Variants in DLGAP1 observed in about 807,000 individuals in gnomAD.
The protein encoded by DLGAP1 is disks large-associated protein 1.
In DLGAP1, 11 loss-of-function variants were observed where a neutral mutation model predicts 90.8. That is an observed-to-expected ratio of 0.12 (90% CI 0.08 to 0.20). The LOEUF is 0.20. DLGAP1 is among the 10% of genes least tolerant of loss of function. The pLI is 1.00. For synonymous variants in DLGAP1, 558 were observed against 540.7 expected, an observed-to-expected ratio of 1.03 and a Z score of -0.44; for missense variants, 1,050 against 1,333.8, an observed-to-expected ratio of 0.79 and a Z score of 3.31.
intron 5 of DLGAP1, among the ~76,000 whole-genome samples, chr18:3,797,963 A>G (rs2066086272): frequency 6.6e-6 from 1 of 152,174 alleles, no homozygotes; most frequent in Non-Finnish European, 1.5e-5. Flanking sequence ...TGATGGTTTT[A>G]TAAGGGGAAA....
At chr18:3,814,361 ATTTTTT>A (rs372490602) in intron 4 of DLGAP1, 88 bp from the exon 5 acceptor site, 9 of 880,334 alleles carry the variant, frequency 1.0e-5, no homozygotes, top group East Asian at 3.1e-5. Context: ...TAACATTTCT[ATTTTTT>A]TTTTTTTTTT....
chr18:3,960,822 C>T (rs983387575), intron 3 of DLGAP1, among the ~76,000 whole-genome samples: 1 of 152,186 alleles, frequency 6.6e-6, no homozygotes, highest in Admixed American at 6.5e-5. Context: ...GTGGGAAGCT[C>T]GATTCTGTGC....
intron 9 of DLGAP1, among the ~76,000 whole-genome samples, chr18:3,558,703 G>C (rs1186565628): frequency 1.3e-5 from 2 of 152,010 alleles, no homozygotes; most frequent in Non-Finnish European, 2.9e-5. Flanking sequence ...CTTTTTATTA[G>C]TGCTAGACAT....
intron 5 of DLGAP1, among the ~76,000 whole-genome samples, chr18:3,770,598 G>C (rs1319350533): frequency 6.6e-6 from 1 of 151,958 alleles, no homozygotes; most frequent in African/African-American, 2.4e-5. Context: ...TTTATACTTA[G>C]AGAAAATAAC....
At chr18:3,978,511 G>A (rs1329907105) in intron 3 of DLGAP1, 1 of 248,466 alleles carries the variant, frequency 4.0e-6, no homozygotes, top group Non-Finnish European at 8.1e-6. Context: ...CAATGAACGG[G>A]TAACCGATGG....
chr18:4,199,619 G>A (rs1439696718), intron 1 of DLGAP1, among the ~76,000 whole-genome samples: 1 of 152,176 alleles, frequency 6.6e-6, no homozygotes, highest in African/African-American at 2.4e-5. Context: ...CACATCTACA[G>A]GGAGACTCTG....
At chr18:4,396,965 G>A (rs1474630852) in intron 1 of DLGAP1, among the ~76,000 whole-genome samples, 1 of 152,194 alleles carries the variant, frequency 6.6e-6, no homozygotes, top group Non-Finnish European at 1.5e-5. Flanking sequence ...AAGCTGCCAT[G>A]GAATGAAGGT....
At chr18:3,595,083 C>T (rs2056501191) in intron 7 of DLGAP1, among the ~76,000 whole-genome samples, 1 of 152,192 alleles carries the variant, frequency 6.6e-6, no homozygotes, top group African/African-American at 2.4e-5. Flanking sequence ...TGCCTTCTTC[C>T]TTTTGGGAAC....
intron 7 of DLGAP1, among the ~76,000 whole-genome samples, chr18:3,614,686 C>CAAAAAAAAAAAAAA (rs35764644): frequency 9.5e-6 from 1 of 104,992 alleles, no homozygotes; most frequent in African/African-American, 3.7e-5. Flanking sequence ...ACTAAAAATA[C>CAAAAAAAAAAAAAA]AAAAAAAAAA....
At chr18:4,394,845 C>T (rs916044194) in intron 1 of DLGAP1, among the ~76,000 whole-genome samples, 4 of 152,134 alleles carry the variant, frequency 2.6e-5, no homozygotes, top group African/African-American at 9.7e-5. Flanking sequence ...TACAGAGTTT[C>T]AGTTCTCGTC....
At chr18:3,581,728 G>T in intron 8 of DLGAP1, 147 bp downstream of exon 8, 2 of 931,990 alleles carry the variant, frequency 2.1e-6, no homozygotes, top group Middle Eastern at 3.4e-4. Context: ...AGTATACGGA[G>T]TCCACAGCCA....
intron 7 of DLGAP1, among the ~76,000 whole-genome samples, chr18:3,614,322 C>A (rs1339906361): frequency 6.6e-6 from 1 of 152,142 alleles, no homozygotes; most frequent in Non-Finnish European, 1.5e-5. Flanking sequence ...AACTGGGGTT[C>A]TGGGATACCG....
chr18:3,581,367 T>C (rs1218028787), intron 8 of DLGAP1, among the ~76,000 whole-genome samples: 1 of 152,142 alleles, frequency 6.6e-6, no homozygotes, highest in Non-Finnish European at 1.5e-5. Context: ...TCTCTGTGGG[T>C]GAGGTGGGAG....
chr18:3,995,081 A>G (rs1414581235), intron 3 of DLGAP1: 1 of 152,164 alleles, frequency 6.6e-6, no homozygotes, highest in African/African-American at 2.4e-5. Context: ...AATAGGCAAC[A>G]ACAATGTAAT....
rs1054983304 is a variant in DLGAP1, at chr18:3,539,050, C to T, written c.2058-4435G>A. Among the ~76,000 whole-genome samples, 3 of 152,220 alleles carry T rather than the reference C, an allele frequency of 2.0e-5. No individual in the cohort carries two copies. The East Asian group carries it at 5.8e-4, about 29-fold the overall frequency. On this transcript the variant is annotated intron_variant, in intron 9 of 12. Transcript: ENST00000315677. ...CGCCTTTGAACTCAGGCAGCCCTGTCCAACCTGCTAGTTTCTATCAATTAA... is the reference window on the plus strand; with the variant it reads ...CGCCTTTGAACTCAGGCAGCCCTGTTCAACCTGCTAGTTTCTATCAATTAA...
intron 3 of DLGAP1, chr18:3,978,222 C>T: frequency 4.7e-6 from 2 of 429,818 alleles, no homozygotes; most frequent in South Asian, 3.6e-5. Context: ...TCATACTTCT[C>T]ATCGTTCATG....
At chr18:3,685,563 C>CAAAAA (rs59737533) in intron 7 of DLGAP1, among the ~76,000 whole-genome samples, 54 of 76,582 alleles carry the variant, frequency 7.1e-4, no homozygotes, top group Middle Eastern at 0.011. Context: ...GATTCCGTCT[C>CAAAAA]AAAAAAAAAA....
chr18:4,196,040 A>C (rs1394688420), intron 1 of DLGAP1, among the ~76,000 whole-genome samples: 1 of 152,210 alleles, frequency 6.6e-6, no homozygotes, highest in Non-Finnish European at 1.5e-5. Context: ...GGGTGAGATC[A>C]AAGAAAATCC....
chr18:3,503,128 T>A (rs1429914204), intron 11 of DLGAP1, among the ~76,000 whole-genome samples: 1 of 152,146 alleles, frequency 6.6e-6, no homozygotes, highest in Non-Finnish European at 1.5e-5. Flanking sequence ...TGATTAGTAA[T>A]AAAATATTGG....
Sources: allele counts gnomAD v4.1 joint callset (sites outside exome capture counted in the v4.1 genomes callset), GRCh38; gene constraint gnomAD v4.1.1; transcripts MANE v1.5; gene names NCBI Gene and HGNC (gene_info 2026-07-23, HGNC 2026-07-21).